The following UBA6 variants were observed in gnomAD, a reference collection of about 807,000 sequenced individuals.
UBA6 encodes the protein ubiquitin like modifier activating enzyme 6, also known as ubiquitin-like modifier-activating enzyme 6.
A neutral mutation model predicts 148.3 loss-of-function variants in UBA6; 87 were observed. The ratio of observed to expected loss-of-function variants is 0.59; its 90% CI spans 0.49 to 0.70. The LOEUF (loss-of-function observed/expected upper bound fraction) is 0.70, where lower values mean the gene tolerates loss of function less well. Ranked by LOEUF, UBA6 falls within the 30% of genes least tolerant of loss-of-function variation. UBA6 has a pLI of 0.00. For missense variants in UBA6, 1,186 were observed against 1,241.2 expected, an observed-to-expected ratio of 0.96 and a Z score of 0.67; for synonymous variants, 376 against 401.0, an observed-to-expected ratio of 0.94 and a Z score of 0.75.
At chr4:67,631,979 T>C in intron 23 of UBA6, 71 bp from the exon 24 acceptor site, 1 of 1,405,756 alleles carries the variant, frequency 7.1e-7, no homozygotes, top group Non-Finnish European at 9.7e-7. Flanking sequence ...AAAATAAAAT[T>C]AAAAAATGTG....
chr4:67,654,796 C>A (rs1428309962), intron 13 of UBA6, among the ~76,000 whole-genome samples: 9 of 150,272 alleles, frequency 6.0e-5, no homozygotes, highest in Non-Finnish European at 1.2e-4. Context: ...AGACCCATCT[C>A]ACGTGCAAAG....
chr4:67,657,323 A>G (rs1170560140), intron 13 of UBA6, among the ~76,000 whole-genome samples: 1 of 152,240 alleles, frequency 6.6e-6, no homozygotes, highest in Non-Finnish European at 1.5e-5. Context: ...TGGTACTGGT[A>G]CCAGAACAGA....
intron 4 of UBA6, among the ~76,000 whole-genome samples, chr4:67,681,162 C>CAATG (rs1730425969): frequency 6.6e-6 from 1 of 152,148 alleles, no homozygotes; most frequent in African/African-American, 2.4e-5. Context: ...TAAACTAATA[C>CAATG]AATGGTATTA....
intron 13 of UBA6, among the ~76,000 whole-genome samples, chr4:67,653,170 C>A (rs562340533): frequency 6.6e-6 from 1 of 152,328 alleles, no homozygotes; most frequent in African/African-American, 2.4e-5. Flanking sequence ...CTGAAGAGAG[C>A]AGTGGTTCTC....
At position 67,649,184 on chromosome 4, in the gene UBA6, A is replaced by C. The variant is rs774703199; in HGVS notation, c.1132T>G (p.Trp378Gly). 5 of 1,612,138 alleles carry C rather than the reference A, an allele frequency of 3.1e-6. No individual in the cohort carries two copies. The South Asian group carries it at 4.4e-5, about 14-fold the overall frequency. ...KPDVNADIVH[W>G]LSWTAQGFLS... ...AAGCCTTGGGCAGTCCAAGAGAGCC[A>C]ATGCACAATGTCAGCATTTACATCA... The change falls in exon 14 of 33, where the codon TGG becomes GGG. Residue 378 changes from tryptophan (W) to glycine (G), a missense_variant. By Grantham distance (184) the Trp-to-Gly change is radical (BLOSUM62 -2). Transcript: ENST00000322244.
intron 14 of UBA6, among the ~76,000 whole-genome samples, chr4:67,648,445 G>A (rs1729474027): frequency 6.9e-6 from 1 of 145,168 alleles, no homozygotes; most frequent in Non-Finnish European, 1.5e-5. Context: ...TCCAGCCTGG[G>A]TAACAGTGTG....
rs1215165617 is a variant in UBA6, at chr4:67,623,196, T to C, written c.2867A>G (p.Asp956Gly). The C allele has an allele frequency of 2.5e-6, 4 of 1,612,496 alleles. No individual in the cohort carries two copies. The highest frequency in any genetic ancestry group is 3.4e-6 in the Non-Finnish European group (4 of 1,178,906). Residue 956 changes from aspartate to glycine, a missense_variant, in exon 31 of 33, where the codon GAT becomes GGT. Transcript: ENST00000322244. The part of the protein sequence containing the change: ...IRNGISFTIW[D>G]RWTVHGKEDF... ...TTCTTTTCCATGTACGGTCCATCGA[T>C]CCCAAATTGTAAATGATATTCCATT...
Position 67,701,091 on chromosome 4 carries a change from T to C in UBA6, c.29A>G (p.His10Arg), listed in dbSNP as rs868041210. The C allele has an allele frequency of 3.1e-6, 5 of 1,612,698 alleles. No individual in the cohort carries two copies. The Middle Eastern group carries it at 8.3e-4, about 267-fold the overall frequency. Reference protein sequence around the residue: MEGSEPVAAHQGEEASCSSW... With the variant: MEGSEPVAARQGEEASCSSW... ...AGAACAGGACGCCTCTTCCCCCTGA[T>C]GGGCGGCCACAGGCTCGGATCCTTC... Residue 10 changes from histidine (H) to arginine (R), a missense_variant, in exon 1 of 33, where the codon CAT (histidine) becomes CGT (arginine). Transcript: ENST00000322244.
At chr4:67,647,934 C>T (rs984779772) in intron 14 of UBA6, among the ~76,000 whole-genome samples, 16 of 151,048 alleles carry the variant, frequency 1.1e-4, no homozygotes, top group African/African-American at 2.7e-4. Flanking sequence ...CCACCATGCC[C>T]GGCTAATTTT....
At chr4:67,700,639 C>T (rs1195938049) in intron 1 of UBA6, among the ~76,000 whole-genome samples, 1 of 151,876 alleles carries the variant, frequency 6.6e-6, no homozygotes, top group African/African-American at 2.4e-5. Flanking sequence ...AAGAGGATCT[C>T]AGTGGAGGTG....
intron 18 of UBA6, 55 bp downstream of exon 18, chr4:67,641,096 G>A (rs1334986816): frequency 1.8e-6 from 2 of 1,095,286 alleles, no homozygotes; most frequent in Non-Finnish European, 2.7e-6. Flanking sequence ...TTATTAAAAG[G>A]AAACTCTTTT....
At chr4:67,688,785 T>C (rs1730628597) in intron 2 of UBA6, among the ~76,000 whole-genome samples, 1 of 152,166 alleles carries the variant, frequency 6.6e-6, no homozygotes, top group South Asian at 2.1e-4. Context: ...TATTTAAGAT[T>C]TGTAGATTTT....
At chr4:67,694,234 A>G (rs1484471913) in intron 2 of UBA6, among the ~76,000 whole-genome samples, 1 of 144,466 alleles carries the variant, frequency 6.9e-6, no homozygotes, top group East Asian at 1.9e-4. Flanking sequence ...AAAAAAAAAA[A>G]AAAAAAAAAA....
At chr4:67,656,272 G>A (rs930817382) in intron 13 of UBA6, among the ~76,000 whole-genome samples, 3 of 151,912 alleles carry the variant, frequency 2.0e-5, no homozygotes, top group Non-Finnish European at 4.4e-5. Context: ...GGTGAACATT[G>A]ATGCAAAAAT....
intron 2 of UBA6, among the ~76,000 whole-genome samples, chr4:67,683,899 C>T (rs746785803): frequency 6.6e-6 from 1 of 151,982 alleles, no homozygotes; most frequent in Non-Finnish European, 1.5e-5. Flanking sequence ...ACAGCAAAAC[C>T]CCATCTCTAT....
intron 16 of UBA6, among the ~76,000 whole-genome samples, chr4:67,645,601 A>G (rs1400848913): frequency 6.6e-6 from 1 of 152,138 alleles, no homozygotes; most frequent in Non-Finnish European, 1.5e-5. Context: ...TGTCTCAGAA[A>G]AAAAAAAAAG....
intron 7 of UBA6, among the ~76,000 whole-genome samples, chr4:67,673,490 C>T (rs1577829575): frequency 6.7e-6 from 1 of 149,822 alleles, no homozygotes. Flanking sequence ...AACATTAATT[C>T]TTCCTTAGTT....
chr4:67,646,062 A>C, intron 15 of UBA6, 46 bp from the exon 16 acceptor site: 1 of 1,187,944 alleles, frequency 8.4e-7, no homozygotes, highest in Non-Finnish European at 1.2e-6. Context: ...AAAAACATTA[A>C]AATTAGTTTC....
chr4:67,698,455 C>A (rs180685861), intron 1 of UBA6, among the ~76,000 whole-genome samples: 163 of 152,336 alleles, frequency 1.1e-3, no homozygotes, highest in East Asian at 8.5e-3. Flanking sequence ...ACCCTTACAA[C>A]AACCTTGTCC....
Sources: gnomAD v4.1 joint callset for allele counts (sites outside exome capture counted in the v4.1 genomes callset) on GRCh38, gnomAD v4.1.1 for gene constraint, MANE v1.5 for transcripts, NCBI Gene and HGNC (gene_info 2026-07-23, HGNC 2026-07-21) for gene names.